PRKG2: variants seen among roughly 807,000 people sequenced by gnomAD.
PRKG2 encodes cGMP-dependent protein kinase 2.
A neutral mutation model predicts 97.2 loss-of-function variants in PRKG2; 33 were observed. The ratio of observed to expected loss-of-function variants is 0.34; its 90% confidence interval spans 0.26 to 0.45. The LOEUF (loss-of-function observed/expected upper bound fraction) is 0.45, where lower values mean the gene tolerates loss of function less well. Among genes scored for constraint, PRKG2 ranks in the 20% least tolerant of loss-of-function variants. The pLI is 1.00. For synonymous variants in PRKG2, 330 were observed against 321.8 expected, an observed-to-expected ratio of 1.03 and a Z score of -0.27; for missense variants, 638 against 900.0, an observed-to-expected ratio of 0.71 and a Z score of 3.73.
rs1476624307 is a variant in PRKG2 at position 81,204,476 on chromosome 4, A to T, written c.461+111T>A. 12 of 1,252,642 alleles carry T rather than the reference A, an allele frequency of 9.6e-6. No homozygotes were observed. In the Admixed American group the frequency reaches 2.3e-4, roughly 24 times the overall value. The allele number at this position is 1,252,642 out of a possible 1,614,324, so 77.6% of individuals were successfully genotyped here. A position where few individuals can be genotyped will look rare whatever the true frequency, so the allele number is the denominator to read the frequency against. ...CATTTCAAAAACCCCTCTACCCCAA[A>T]ATCTGAAAGGGTCAATATGTTCTTT... On this transcript the variant is annotated intron_variant, in intron 2 of 18. Coordinates refer to ENST00000264399, the MANE Select transcript of PRKG2 (RefSeq NM_006259.3).
chr4:81,196,909 GGATA>G (rs1178957658), intron 2 of PRKG2, among the ~76,000 whole-genome samples: 1 of 152,124 alleles, frequency 6.6e-6, no homozygotes, highest in Non-Finnish European at 1.5e-5. Flanking sequence ...TTTAGTTAAA[GGATA>G]GATACAAGAA....
At chr4:81,108,221 TA>T (rs1211283114) in intron 15 of PRKG2, among the ~76,000 whole-genome samples, 2 of 151,916 alleles carry the variant, frequency 1.3e-5, no homozygotes, top group African/African-American at 4.8e-5. Context: ...AAATAAATAA[TA>T]AAAACACTTT....
intron 2 of PRKG2, among the ~76,000 whole-genome samples, chr4:81,195,869 G>A (rs747826875): frequency 1.3e-5 from 2 of 152,284 alleles, no homozygotes; most frequent in Admixed American, 6.5e-5. Context: ...TACCTACCCG[G>A]CATAGCCAAT....
chr4:81,216,915 G>A (rs1455604828), upstream of PRKG2, among the ~76,000 whole-genome samples: 3 of 149,870 alleles, frequency 2.0e-5, no homozygotes, highest in Non-Finnish European at 3.0e-5. Flanking sequence ...GTGTGTGTGT[G>A]TGTGTGTGTG....
intron 15 of PRKG2, among the ~76,000 whole-genome samples, chr4:81,107,160 T>A (rs1743429656): frequency 6.6e-6 from 1 of 151,916 alleles, no homozygotes; most frequent in Non-Finnish European, 1.5e-5. Flanking sequence ...GGAGTTGGGG[T>A]GGTGTGCAGA....
chr4:81,190,859 A>C lies in PRKG2; in HGVS notation c.461+13728T>G, dbSNP rs146796800. Among the ~76,000 whole-genome samples, 773 of 152,352 alleles carry C rather than the reference A, an allele frequency of 5.1e-3. 6 individuals are homozygous for C. Among genetic ancestry groups the C allele is most frequent in the African/African-American group, 0.017 (726 of 41,578 alleles). ...GCTCAACATCACTGGTCATTAGAAA[A>C]ATGCAAATCAAAACCACAATGAGAT... On this transcript the variant is annotated intron_variant, in intron 2 of 18. Coordinates refer to ENST00000264399, the MANE Select transcript of PRKG2 (RefSeq NM_006259.3).
intron 6 of PRKG2, among the ~76,000 whole-genome samples, chr4:81,157,037 A>C (rs1464991266): frequency 6.6e-6 from 1 of 152,186 alleles, no homozygotes; most frequent in Non-Finnish European, 1.5e-5. Flanking sequence ...AGCAAGAGCA[A>C]ACACATTCAA....
chr4:81,141,686 C>G (rs1249146455), intron 11 of PRKG2, among the ~76,000 whole-genome samples: 1 of 152,200 alleles, frequency 6.6e-6, no homozygotes, highest in Non-Finnish European at 1.5e-5. Context: ...CTGCCCATGA[C>G]TTTTAAATCA....
intron 2 of PRKG2, among the ~76,000 whole-genome samples, chr4:81,182,771 A>T (rs1208406902): frequency 1.3e-5 from 2 of 152,072 alleles, no homozygotes; most frequent in Non-Finnish European, 2.9e-5. Context: ...AATTAACATT[A>T]AAAAATTTTA....
Position 81,204,817 on chromosome 4 carries a change from G to T in PRKG2, c.231C>A (p.Ile77=). 1 of 1,614,158 alleles carries T rather than the reference G, an allele frequency of 6.2e-7. No individual in the cohort carries two copies. Among genetic ancestry groups the T allele is most frequent in the Non-Finnish European group, 8.5e-7 (1 of 1,180,014 alleles). ...ELTEELQNKC[I]QLNKLQDVVH... ...CCACATCCTGCAGCTTGTTCAGCTG[G>T]ATGCACTTGTTCTGGAGCTCCTCTG... Residue 77 remains isoleucine, a synonymous_variant, in exon 2 of 19, where the codon ATC becomes ATA. Coordinates refer to ENST00000264399, the MANE Select transcript of PRKG2 (RefSeq NM_006259.3).
intron 2 of PRKG2, among the ~76,000 whole-genome samples, chr4:81,177,646 G>A (rs116014589): frequency 0.1 from 15,401 of 152,118 alleles, 1,030 homozygotes; most frequent in Middle Eastern, 0.2. Flanking sequence ...GTTGTAGTGA[G>A]CCGAGCTCGC....
At chr4:81,208,158 C>T (rs1753779812) in intron 1 of PRKG2, among the ~76,000 whole-genome samples, 1 of 152,018 alleles carries the variant, frequency 6.6e-6, no homozygotes, top group Non-Finnish European at 1.5e-5. Context: ...CTATATATTC[C>T]TAAAAATCTT....
At chr4:81,174,718 T>C in intron 3 of PRKG2, 75 bp downstream of exon 3, 1 of 1,410,924 alleles carries the variant, frequency 7.1e-7, no homozygotes, top group Non-Finnish European at 9.6e-7. Flanking sequence ...CAGTTTTATG[T>C]TTTTATAAAT....
intron 14 of PRKG2, among the ~76,000 whole-genome samples, chr4:81,122,828 C>T (rs1745194495): frequency 6.6e-6 from 1 of 152,216 alleles, no homozygotes; most frequent in Admixed American, 6.5e-5. Flanking sequence ...CCACAGTGTC[C>T]ATCACCCAGA....
intron 6 of PRKG2, among the ~76,000 whole-genome samples, chr4:81,155,451 G>C (rs1367803645): frequency 6.6e-6 from 1 of 152,130 alleles, no homozygotes; most frequent in Admixed American, 6.5e-5. Flanking sequence ...ATCTACGTCT[G>C]ATTGGTGTAC....
intron 18 of PRKG2, among the ~76,000 whole-genome samples, chr4:81,090,441 C>T (rs1741427638): frequency 6.6e-6 from 1 of 151,714 alleles, no homozygotes; most frequent in Non-Finnish European, 1.5e-5. Flanking sequence ...TGCTAGCGTT[C>T]TTCTTCCATT....
intron 10 of PRKG2, among the ~76,000 whole-genome samples, chr4:81,143,843 C>T (rs1014041834): frequency 1.3e-5 from 2 of 152,300 alleles, no homozygotes; most frequent in African/African-American, 2.4e-5. Context: ...CCCTCCTCCA[C>T]ATATCCCTGG....
At chr4:81,206,363 C>A (rs928051158) in intron 1 of PRKG2, among the ~76,000 whole-genome samples, 1 of 152,084 alleles carries the variant, frequency 6.6e-6, no homozygotes, top group Non-Finnish European at 1.5e-5. Flanking sequence ...ATCATGGGGG[C>A]GGATCTTTCC....
chr4:81,203,154 A>G (rs1411202657), intron 2 of PRKG2, among the ~76,000 whole-genome samples: 1 of 151,954 alleles, frequency 6.6e-6, no homozygotes, highest in Non-Finnish European at 1.5e-5. Context: ...TCAGTTTTTT[A>G]AAACAAATAT....
Sources: gnomAD v4.1 joint callset for allele counts (sites outside exome capture counted in the v4.1 genomes callset) on GRCh38, gnomAD v4.1.1 for gene constraint, MANE v1.5 for transcripts, NCBI Gene and HGNC (gene_info 2026-07-23, HGNC 2026-07-21) for gene names.